Variants in WDR41 observed in about 807,000 individuals in gnomAD.
WDR41 encodes WD repeat-containing protein 41.
WDR41 carries 63 observed loss-of-function variants against 69.3 expected under a neutral mutation model. The ratio of observed to expected loss-of-function variants is 0.91; its 90% CI spans 0.74 to 1.12. The LOEUF is 1.12. Among genes scored for constraint, WDR41 ranks in the 50% most tolerant of loss-of-function variants. The pLI is 0.00. For missense variants in WDR41, 543 were observed against 534.5 expected, an observed-to-expected ratio of 1.02 and a Z score of -0.16; for synonymous variants, 185 against 192.1, an observed-to-expected ratio of 0.96 and a Z score of 0.31.
intron 1 of WDR41, among the ~76,000 whole-genome samples, chr5:77,615,679 C>T (rs1408333995): frequency 2.7e-5 from 3 of 110,918 alleles, no homozygotes; most frequent in Non-Finnish European, 5.2e-5. Context: ...TTTAAAATTA[C>T]TGCAAGTCAA....
intron 1 of WDR41, among the ~76,000 whole-genome samples, chr5:77,607,404 C>G (rs1744444191): frequency 1.3e-5 from 2 of 152,272 alleles, no homozygotes; most frequent in Non-Finnish European, 1.5e-5. Flanking sequence ...GCTAGATGAA[C>G]AATGAGGACA....
At chr5:77,613,430 C>T (rs1344254079) in intron 1 of WDR41, among the ~76,000 whole-genome samples, 1 of 151,854 alleles carries the variant, frequency 6.6e-6, no homozygotes, top group Non-Finnish European at 1.5e-5. Context: ...CAGCATGGTA[C>T]TGGTACCAAA....
intron 1 of WDR41, among the ~76,000 whole-genome samples, chr5:77,538,810 T>C (rs527711568): frequency 2.0e-5 from 3 of 152,214 alleles, no homozygotes; most frequent in Non-Finnish European, 4.4e-5. Flanking sequence ...AGGATAATTA[T>C]ATTGGCCACT....
chr5:77,455,650 T>C (rs1799799641), intron 5 of WDR41, among the ~76,000 whole-genome samples: 3 of 152,172 alleles, frequency 2.0e-5, no homozygotes, highest in African/African-American at 7.2e-5. Context: ...GGGATAAAAT[T>C]TCATTATTTT....
chr5:77,528,138 CTA>C (rs1208836336), intron 1 of WDR41, among the ~76,000 whole-genome samples: 5 of 151,460 alleles, frequency 3.3e-5, no homozygotes, highest in Non-Finnish European at 7.4e-5. Context: ...ATTGAAAACA[CTA>C]TTAAAGTTGA....
At chr5:77,522,158 G>A (rs1195898316) in intron 1 of WDR41, among the ~76,000 whole-genome samples, 1 of 152,180 alleles carries the variant, frequency 6.6e-6, no homozygotes, top group Non-Finnish European at 1.5e-5. Context: ...TGTATTTAAG[G>A]GAACCTGTGA....
chr5:77,617,303 AGACTTCCATT>A, intron 1 of WDR41, among the ~76,000 whole-genome samples: 1 of 152,324 alleles, frequency 6.6e-6, no homozygotes, highest in East Asian at 1.9e-4. Context: ...AGTAAGTGAA[AGACTTCCATT>A]TGTTGTGTTT....
intron 2 of WDR41, among the ~76,000 whole-genome samples, chr5:77,469,522 G>T (rs1455876133): frequency 2.0e-5 from 3 of 152,026 alleles, no homozygotes; most frequent in African/African-American, 7.2e-5. Flanking sequence ...TGACTCTTTG[G>T]TAAGACCATT....
chr5:77,541,639 T>G (rs1372532131), intron 1 of WDR41, among the ~76,000 whole-genome samples: 2 of 152,026 alleles, frequency 1.3e-5, no homozygotes, highest in Non-Finnish European at 2.9e-5. Flanking sequence ...ATTATAGGCA[T>G]CCACCACCAC....
At chr5:77,434,308 T>C (rs1581685577) in intron 12 of WDR41, among the ~76,000 whole-genome samples, 1 of 151,214 alleles carries the variant, frequency 6.6e-6, no homozygotes, top group Non-Finnish European at 1.5e-5. Flanking sequence ...CAAAACTCCC[T>C]CTCGGGAAAA....
At chr5:77,465,936 T>C (rs916477744) in intron 2 of WDR41, among the ~76,000 whole-genome samples, 3 of 151,988 alleles carry the variant, frequency 2.0e-5, no homozygotes, top group East Asian at 3.8e-4. Flanking sequence ...ATTTCTTATC[T>C]TCAGTTTCAA....
At chr5:77,453,985 G>A in intron 5 of WDR41, 57 bp from the exon 6 acceptor site, 5 of 1,378,002 alleles carry the variant, frequency 3.6e-6, no homozygotes. Context: ...TCATTGTTCA[G>A]TGGTTTAAAA....
chr5:77,454,416 T>C (rs556195391), intron 5 of WDR41, among the ~76,000 whole-genome samples: 2 of 152,370 alleles, frequency 1.3e-5, no homozygotes, highest in African/African-American at 4.8e-5. Context: ...CACTGTGAGA[T>C]GACAAATGTT....
intron 2 of WDR41, among the ~76,000 whole-genome samples, chr5:77,487,711 G>A (rs574859034): frequency 2.0e-5 from 3 of 152,100 alleles, no homozygotes; most frequent in Non-Finnish European, 4.4e-5. Context: ...ACTCACAGTG[G>A]GCCCTGAGAT....
chr5:77,516,560 G>A (rs1275800877), intron 1 of WDR41, among the ~76,000 whole-genome samples: 1 of 146,422 alleles, frequency 6.8e-6, no homozygotes, highest in African/African-American at 2.6e-5. Flanking sequence ...AATAGTCCAG[G>A]GCTGTTTTAG....
chr5:77,555,452 G>T (rs1405598526), intron 1 of WDR41, among the ~76,000 whole-genome samples: 2 of 152,070 alleles, frequency 1.3e-5, no homozygotes, highest in African/African-American at 4.8e-5. Context: ...GGGACTACAG[G>T]TGCACACCAC....
At chr5:77,446,762 T>C (rs993566110) in intron 8 of WDR41, among the ~76,000 whole-genome samples, 8 of 152,174 alleles carry the variant, frequency 5.3e-5, no homozygotes, top group African/African-American at 1.9e-4. Context: ...TTACACCTTA[T>C]ACAAAAATTA....
At chr5:77,597,397 A>G (rs1262733641) in intron 1 of WDR41, among the ~76,000 whole-genome samples, 1 of 152,200 alleles carries the variant, frequency 6.6e-6, no homozygotes, top group African/African-American at 2.4e-5. Context: ...GACTGATTTT[A>G]GATAGTTTCT....
At chr5:77,604,504 C>T (rs1744378718) in intron 1 of WDR41, among the ~76,000 whole-genome samples, 1 of 152,192 alleles carries the variant, frequency 6.6e-6, no homozygotes, top group African/African-American at 2.4e-5. Flanking sequence ...CTGGCATTCT[C>T]ATAAATTGCT....
Sources: allele counts gnomAD v4.1 joint callset (sites outside exome capture counted in the v4.1 genomes callset), GRCh38; gene constraint gnomAD v4.1.1; transcripts MANE v1.5; gene names NCBI Gene and HGNC (gene_info 2026-07-23, HGNC 2026-07-21).